ZNF610: variants seen among roughly 807,000 people sequenced by gnomAD.
ZNF610 encodes zink finger protein.
In ZNF610, 14 loss-of-function variants were observed where a neutral mutation model predicts 14.1. The ratio of observed to expected loss-of-function variants is 0.99; its 90% confidence interval spans 0.65 to 1.55. The LOEUF (loss-of-function observed/expected upper bound fraction) is 1.55. ZNF610 is among the 40% of genes most tolerant of loss of function. ZNF610 has a pLI of 0.00. For synonymous variants in ZNF610, 185 were observed against 187.6 expected, an observed-to-expected ratio of 0.99 and a Z score of 0.11; for missense variants, 530 against 558.0, an observed-to-expected ratio of 0.95 and a Z score of 0.51.
chr19:52,339,449 G>C (rs910141063), intron 1 of ZNF610, among the ~76,000 whole-genome samples: 3 of 146,186 alleles, frequency 2.1e-5, no homozygotes, highest in Admixed American at 6.7e-5. Flanking sequence ...ACAGTGTATT[G>C]TGTCCCTGGG....
chr19:52,332,041 C>G (rs1367633121), upstream of ZNF610, among the ~76,000 whole-genome samples: 1 of 152,144 alleles, frequency 6.6e-6, no homozygotes, highest in Non-Finnish European at 1.5e-5. This position sits in a 1 kb window ranked among gnomAD's most constrained non-coding sequence, Gnocchi z 4.1. Context: ...AGCAGAGGAA[C>G]TGAAATTGAC....
At position 52,353,809 on chromosome 19, in the gene ZNF610, G is replaced by A. The variant is rs1470285287; in HGVS notation, c.190+1G>A. On this transcript the variant is annotated splice_donor_variant, in intron 4 of 5. Coordinates refer to ENST00000403906, the MANE Select transcript of ZNF610 (RefSeq NM_001161425.2). LOFTEE classifies it high-confidence loss of function. ...AACTACAGGAACCTGGTCTTTCTGG[G>A]TGAGGATGACTTCCCTCCAGAAGCC... 1.2e-6 allele frequency: 2 copies of A among 1,609,604 alleles called. No individual in the cohort carries two copies. Among genetic ancestry groups the A allele is most frequent in the South Asian group, 2.2e-5 (2 of 90,034 alleles).
chr19:52,337,526 ACAG>A (rs1179234355), intron 1 of ZNF610, among the ~76,000 whole-genome samples: 1 of 151,730 alleles, frequency 6.6e-6, no homozygotes, highest in Non-Finnish European at 1.5e-5. Context: ...AGGGGGAGAA[ACAG>A]CAGGAGAGGA....
upstream of ZNF610, among the ~76,000 whole-genome samples, chr19:52,334,936 A>AACAC (rs559202600): frequency 1.4e-4 from 6 of 41,536 alleles, no homozygotes; most frequent in Admixed American, 7.3e-4. Flanking sequence ...CTCAAAAACA[A>AACAC]ACACACACAC....
chr19:52,338,704 GT>G (rs920987375), intron 1 of ZNF610, among the ~76,000 whole-genome samples: 5 of 151,338 alleles, frequency 3.3e-5, no homozygotes, highest in Admixed American at 6.6e-5. Context: ...TAGTAAACAT[GT>G]TTTTTTTTCT....
Position 52,366,772 on chromosome 19 carries a change from G to A in ZNF610, c.*5G>A. 6.3e-7 allele frequency: 1 copy of A among 1,597,876 alleles called. No individual in the cohort carries two copies. Among genetic ancestry groups the A allele is most frequent in the Non-Finnish European group, 8.6e-7 (1 of 1,169,458 alleles). On this transcript the variant is annotated 3_prime_UTR_variant, in exon 6 of 6. Coordinates refer to ENST00000403906, the MANE Select transcript of ZNF610 (RefSeq NM_001161425.2). The stretch of plus-strand genomic sequence containing the variant: ...CGTACCTTACAGATGGAATGAATGT[G>A]GCAAAATCTTTAGTTAGAATTCACA...
rs914986980 is a variant in ZNF610, at chr19:52,355,382, C to G, written c.319+1003C>G. On this transcript the variant is annotated intron_variant, in intron 5 of 5. Coordinates refer to ENST00000403906, the MANE Select transcript of ZNF610 (RefSeq NM_001161425.2). ...TGGAAACTACAGGTGCCTCCAGCCC[C>G]CTCTGCCTGTTCAGGTCTATTTGGA... 3.3e-5 allele frequency among the ~76,000 whole-genome samples: 5 copies of G among 152,196 alleles called. No homozygotes were observed. The East Asian group carries it at 9.6e-4, about 29-fold the overall frequency.
intron 1 of ZNF610, among the ~76,000 whole-genome samples, chr19:52,346,213 C>T (rs1042773440): frequency 6.6e-6 from 1 of 150,652 alleles, no homozygotes; most frequent in African/African-American, 2.5e-5. Flanking sequence ...GAGATAGAGT[C>T]TCTCTCTGTT....
At chr19:52,357,064 C>T (rs745704064) in intron 5 of ZNF610, among the ~76,000 whole-genome samples, 12 of 152,292 alleles carry the variant, frequency 7.9e-5, no homozygotes, top group South Asian at 2.1e-4. Context: ...CTTTCAGACA[C>T]GGGTCATAAG....
chr19:52,339,925 C>G (rs1228744864), intron 1 of ZNF610, among the ~76,000 whole-genome samples: 1 of 152,182 alleles, frequency 6.6e-6, no homozygotes, highest in African/African-American at 2.4e-5. Context: ...TCCCAAAGTG[C>G]TGGGATTACA....
chr19:52,359,942 G>A lies in ZNF610; in HGVS notation c.319+5563G>A, dbSNP rs1120185. 4.5e-3 allele frequency among the ~76,000 whole-genome samples: 682 copies of A among 152,228 alleles called. 11 individuals carry two copies. In the East Asian group the frequency reaches 0.072, roughly 16 times the overall value. ...CTCACAGAAACACTTACTTACATTT[G>A]CCAGTTTATTATAAAGGCTATTGAA... is the stretch of plus-strand genomic sequence containing the variant. On this transcript the variant is annotated intron_variant, in intron 5 of 5. Coordinates refer to ENST00000403906, the MANE Select transcript of ZNF610 (RefSeq NM_001161425.2).
chr19:52,341,379 G>T (rs1393484102), intron 1 of ZNF610, among the ~76,000 whole-genome samples: 1 of 149,476 alleles, frequency 6.7e-6, no homozygotes, highest in East Asian at 2.0e-4. Flanking sequence ...GCACGATCTC[G>T]GCTCACTGCA....
At chr19:52,332,613 A>T (rs10410848), upstream of ZNF610, among the ~76,000 whole-genome samples, 86,450 of 151,760 alleles carry the variant, frequency 0.57, 24,771 homozygotes, top group Non-Finnish European at 0.59. The surrounding 1 kb of genome is among the most constrained non-coding windows in gnomAD (Gnocchi z 4.1). Flanking sequence ...TTGTACCACC[A>T]CCTTCGGTGG....
chr19:52,358,389 C>T (rs150173760), intron 5 of ZNF610, among the ~76,000 whole-genome samples: 1 of 152,124 alleles, frequency 6.6e-6, no homozygotes, highest in East Asian at 1.9e-4. Context: ...TTACCATGTT[C>T]ACCAGGATGG....
At chr19:52,340,031 C>G (rs1223097196) in intron 1 of ZNF610, among the ~76,000 whole-genome samples, 1 of 152,222 alleles carries the variant, frequency 6.6e-6, no homozygotes, top group African/African-American at 2.4e-5. Context: ...CCCGTGGAAT[C>G]TGTGCCTATC....
chr19:52,365,737 C>T lies in ZNF610; in HGVS notation c.359C>T (p.Pro120Leu). The T allele has an allele frequency of 6.2e-7, 1 of 1,611,708 alleles. No homozygotes were observed. The highest frequency in any genetic ancestry group is 8.5e-7 in the Non-Finnish European group (1 of 1,179,392). Residue 120 changes from proline (P) to leucine (L), a missense_variant, in exon 6 of 6, where the codon CCT (proline) becomes CTT (leucine). Coordinates refer to ENST00000403906, the MANE Select transcript of ZNF610 (RefSeq NM_001161425.2). ...CVLGSNAENK[P>L]IKNQLGLTLE... ...TTGGGAAGCAATGCAGAAAACAAGC[C>T]TATTAAAAATCAACTTGGATTAACC...
At chr19:52,350,443 C>T (rs940559008) in intron 3 of ZNF610, among the ~76,000 whole-genome samples, 9 of 151,868 alleles carry the variant, frequency 5.9e-5, no homozygotes, top group African/African-American at 1.7e-4. Flanking sequence ...TTTGGGAGGC[C>T]GAGGCGGACA....
chr19:52,350,079 C>T (rs1600233778), intron 3 of ZNF610, among the ~76,000 whole-genome samples: 2 of 152,212 alleles, frequency 1.3e-5, no homozygotes, highest in Admixed American at 1.3e-4. Flanking sequence ...GAGTCTTGTA[C>T]AGCATCTGTG....
chr19:52,342,952 G>T (rs958754215), intron 1 of ZNF610, among the ~76,000 whole-genome samples: 1 of 151,854 alleles, frequency 6.6e-6, no homozygotes, highest in Non-Finnish European at 1.5e-5. Flanking sequence ...TTATGATCTC[G>T]TCTTACAGCT....
Sources: allele counts gnomAD v4.1 joint callset (sites outside exome capture counted in the v4.1 genomes callset), GRCh38; gene constraint gnomAD v4.1.1; non-coding constraint Gnocchi (gnomAD v3.1); transcripts MANE v1.5; gene names NCBI Gene and HGNC (gene_info 2026-07-23, HGNC 2026-07-21).